Variants in SKI observed in about 807,000 individuals in gnomAD.
SKI encodes ski oncogene.
Under a neutral mutation model 59.3 loss-of-function variants are expected in SKI, and 23 were observed. The ratio of observed to expected loss-of-function variants is 0.39; its 90% CI spans 0.28 to 0.55. The LOEUF is 0.55. Among genes scored for constraint, SKI ranks in the 20% least tolerant of loss-of-function variants. SKI has a pLI of 0.67. For synonymous variants in SKI, 673 were observed against 488.6 expected (o/e 1.38, Z -4.98); for missense variants, 1,017 against 1,038.9 (o/e 0.98, Z 0.29).
At position 2,270,095 on chromosome 1, in the gene SKI, G is replaced by A. The variant is rs936061986; in HGVS notation, c.970-32883G>A. 5.3e-5 allele frequency among the ~76,000 whole-genome samples: 8 copies of A among 152,182 alleles called. No homozygotes were observed. Among genetic ancestry groups the A allele is most frequent in the African/African-American group, 1.9e-4 (8 of 41,436 alleles). ...GAGCCTGCCTGTCCCCCACGGATTG[G>A]AGTTTTGCCCAGGGGTGCTGTGCCC... On this transcript the variant is annotated intron_variant, in intron 1 of 6. Transcript: ENST00000378536. This position sits in a 1 kb window ranked among gnomAD's most constrained non-coding sequence, Gnocchi z 4.1.
intron 1 of SKI, among the ~76,000 whole-genome samples, chr1:2,291,403 G>T (rs1640159307): frequency 1.3e-5 from 2 of 152,224 alleles, no homozygotes; most frequent in African/African-American, 2.4e-5. Context: ...GCTGGATGGG[G>T]AGGGTGAGAA....
At chr1:2,264,504 A>G (rs1027575965) in intron 1 of SKI, among the ~76,000 whole-genome samples, 1 of 152,044 alleles carries the variant, frequency 6.6e-6, no homozygotes, top group African/African-American at 2.4e-5. Context: ...TCCTGACCTC[A>G]TGGATCCGCC....
chr1:2,304,529 G>T lies in SKI; in HGVS notation c.1711G>T (p.Val571Leu), dbSNP rs190373826. Reference protein sequence around the residue: ...KFLHEVVKMRVKQEEKLSAAL... With the variant: ...KFLHEVVKMRLKQEEKLSAAL... The stretch of plus-strand genomic sequence containing the variant: ...CCTGCATGAGGTGGTCAAGATGCGC[G>T]TGAAGCAGGAGGAGAAGCTCAGCGC... The change falls in exon 5 of 7, where the codon GTG becomes TTG. Residue 571 changes from valine to leucine, a missense_variant. Physicochemically the swap from Val to Leu is conservative, Grantham distance 32. Transcript: ENST00000378536. 6.3e-7 allele frequency: 1 copy of T among 1,581,272 alleles called. No individual in the cohort carries two copies. The highest frequency in any genetic ancestry group is 2.3e-5 in the East Asian group (1 of 42,554).
intron 1 of SKI, among the ~76,000 whole-genome samples, chr1:2,255,385 GTCT>G (rs1206613500): frequency 6.6e-6 from 1 of 152,232 alleles, no homozygotes; most frequent in African/African-American, 2.4e-5. Flanking sequence ...ACTGAGTGGT[GTCT>G]TCTGACCCCA....
chr1:2,271,360 C>T (rs975036350), intron 1 of SKI, among the ~76,000 whole-genome samples: 4 of 152,044 alleles, frequency 2.6e-5, no homozygotes, highest in African/African-American at 9.7e-5. Flanking sequence ...CAGGCAGCCT[C>T]TCCCGCCGGG....
At chr1:2,265,961 C>G (rs1639492694) in intron 1 of SKI, among the ~76,000 whole-genome samples, 1 of 152,030 alleles carries the variant, frequency 6.6e-6, no homozygotes, top group Non-Finnish European at 1.5e-5. Flanking sequence ...GAGCCAGACC[C>G]TATCTCAAGG....
chr1:2,231,720 A>C (rs983354076), intron 1 of SKI, among the ~76,000 whole-genome samples: 1 of 152,216 alleles, frequency 6.6e-6, no homozygotes, highest in Non-Finnish European at 1.5e-5. Flanking sequence ...TGGCAGCCAC[A>C]CAGCCTGGCC....
intron 1 of SKI, chr1:2,240,686 T>A: frequency 1.0e-6 from 1 of 985,420 alleles, no homozygotes; most frequent in Non-Finnish European, 1.2e-6. Context: ...TCTCTACTTG[T>A]TCGGAGGATG....
chr1:2,259,145 G>A (rs1045925107), intron 1 of SKI, among the ~76,000 whole-genome samples: 41 of 152,166 alleles, frequency 2.7e-4, no homozygotes, highest in African/African-American at 9.7e-4. Context: ...CGGAACCCCT[G>A]CCTCCTTTTG....
At chr1:2,235,044 T>TG in intron 1 of SKI, among the ~76,000 whole-genome samples, 1 of 123,344 alleles carries the variant, frequency 8.1e-6, no homozygotes, top group South Asian at 3.2e-4. Flanking sequence ...TTTTTGTTGT[T>TG]ATTTTTTTTT....
intron 1 of SKI, among the ~76,000 whole-genome samples, chr1:2,300,211 G>A (rs749818646): frequency 2.6e-5 from 4 of 152,260 alleles, no homozygotes; most frequent in Admixed American, 6.5e-5. Flanking sequence ...GGAAGTGGCC[G>A]CGGGGCAGCG....
At chr1:2,231,303 G>A (rs1377378891) in intron 1 of SKI, among the ~76,000 whole-genome samples, 4 of 152,276 alleles carry the variant, frequency 2.6e-5, no homozygotes, top group African/African-American at 9.6e-5. Context: ...ACACGCTCAC[G>A]TCACTGTCTT....
chr1:2,246,015 C>T (rs1390480225), intron 1 of SKI, among the ~76,000 whole-genome samples: 2 of 151,068 alleles, frequency 1.3e-5, no homozygotes, highest in Non-Finnish European at 2.9e-5. Flanking sequence ...AGGCTGGTCT[C>T]TGACTCCTGG....
intron 1 of SKI, among the ~76,000 whole-genome samples, chr1:2,258,351 G>T (rs1168343347): frequency 6.6e-6 from 1 of 152,102 alleles, no homozygotes; most frequent in Non-Finnish European, 1.5e-5. Flanking sequence ...AGGCCGAATC[G>T]CCCCCTAGGG....
chr1:2,248,537 A>G (rs1639047502), intron 1 of SKI, among the ~76,000 whole-genome samples: 1 of 152,164 alleles, frequency 6.6e-6, no homozygotes, highest in African/African-American at 2.4e-5. Context: ...GTTGGATTCA[A>G]AAGGAAGCCT....
intron 1 of SKI, among the ~76,000 whole-genome samples, chr1:2,282,437 G>T (rs929180841): frequency 2.8e-4 from 28 of 100,266 alleles, no homozygotes; most frequent in Admixed American, 1.8e-3. Flanking sequence ...AAGACAGGCG[G>T]TGGCGGAGAT....
At chr1:2,243,307 G>A (rs1011616518) in intron 1 of SKI, among the ~76,000 whole-genome samples, 5 of 152,246 alleles carry the variant, frequency 3.3e-5, no homozygotes, top group South Asian at 2.1e-4. Context: ...TGTGCTCCGC[G>A]TACCACCTGC....
At chr1:2,250,886 C>A (rs554726275) in intron 1 of SKI, among the ~76,000 whole-genome samples, 277 of 152,390 alleles carry the variant, frequency 1.8e-3, no homozygotes, top group African/African-American at 5.5e-3. Context: ...AGCGGCAGCC[C>A]CGGGGGGCCG....
chr1:2,306,456 G>C (rs915345902), intron 6 of SKI, 121 bp from the exon 7 acceptor site: 2 of 1,115,688 alleles, frequency 1.8e-6, no homozygotes, highest in African/African-American at 3.1e-5. Context: ...GGTGGAGGAG[G>C]GGCCGGCACG....
Sources: allele counts gnomAD v4.1 joint callset (sites outside exome capture counted in the v4.1 genomes callset), GRCh38; gene constraint gnomAD v4.1.1; non-coding constraint Gnocchi (gnomAD v3.1); transcripts MANE v1.5; gene names NCBI Gene and HGNC (gene_info 2026-07-23, HGNC 2026-07-21).